Variants in MTA1 observed in about 807,000 individuals in gnomAD.
The protein encoded by MTA1 is metastasis-associated protein MTA1.
Under a neutral mutation model 97.0 loss-of-function variants are expected in MTA1, and 15 were observed. That is an observed-to-expected ratio of 0.15 (90% confidence interval 0.10 to 0.24). The LOEUF is 0.24. Ranked by LOEUF, MTA1 falls within the 10% of genes least tolerant of loss-of-function variation. MTA1 has a pLI of 1.00. For missense variants in MTA1, 709 were observed against 1,015.1 expected, an observed-to-expected ratio of 0.70 and a Z score of 4.10; for synonymous variants, 435 against 417.5, an observed-to-expected ratio of 1.04 and a Z score of -0.51.
intron 10 of MTA1, among the ~76,000 whole-genome samples, chr14:105,462,052 A>G (rs2083368772): frequency 2.2e-4 from 1 of 4,486 alleles, no homozygotes; most frequent in Admixed American, 2.9e-3. Context: ...TGCTGAGCCC[A>G]CGTGATGCCT....
At position 105,448,828 on chromosome 14, in the gene MTA1, C is replaced by T. The variant is rs777568500; in HGVS notation, c.191-531C>T. ...AGGGGGCCGCAGAGAGCGAGCAGCC[C>T]GGCTGGCTGTGGTCCCATCTGGGGA... On this transcript the variant is annotated intron_variant, in intron 3 of 20. Coordinates refer to ENST00000331320, the MANE Select transcript of MTA1 (RefSeq NM_004689.4). 3.3e-5 allele frequency among the ~76,000 whole-genome samples: 5 copies of T among 152,380 alleles called. No individual in the cohort carries two copies. The South Asian group carries it at 8.3e-4, about 25-fold the overall frequency.
chr14:105,430,294 T>C (rs2082140518), intron 1 of MTA1, among the ~76,000 whole-genome samples: 1 of 152,152 alleles, frequency 6.6e-6, no homozygotes, highest in African/African-American at 2.4e-5. Context: ...ATTTCAGTAT[T>C]GTTGTGTCTC....
chr14:105,468,293 C>T (rs1555433402), intron 18 of MTA1: 6 of 1,303,820 alleles, frequency 4.6e-6, no homozygotes, highest in Middle Eastern at 2.1e-4. Flanking sequence ...GGCTCACTAA[C>T]CTAAAGCATG....
In MTA1 at chr14:105,452,473, A is replaced by C. The variant is rs370123325; in HGVS notation, c.433-1720A>C. On this transcript the variant is annotated intron_variant, in intron 6 of 20. Coordinates refer to ENST00000331320, the MANE Select transcript of MTA1 (RefSeq NM_004689.4). ...GCCGGGGGAATCACTTGAGCTCAGG[A>C]GTTCAAGAGCAGCCTGGGCATCATA... Among the ~76,000 whole-genome samples the C allele has an allele frequency of 6.0e-4, 91 of 152,356 alleles. 2 individuals carry two copies. In the East Asian group the frequency reaches 7.3e-3, roughly 12 times the overall value.
chr14:105,460,675 G>A, intron 9 of MTA1, 90 bp from the exon 10 acceptor site: 1 of 1,378,606 alleles, frequency 7.3e-7, no homozygotes, highest in Non-Finnish European at 9.6e-7. Context: ...TGCAGTAGGG[G>A]ATCCTTGAGG....
intron 1 of MTA1, among the ~76,000 whole-genome samples, chr14:105,423,189 C>A (rs1555421388): frequency 1.3e-5 from 2 of 151,626 alleles, no homozygotes; most frequent in African/African-American, 2.4e-5. Context: ...AGGTTAACAC[C>A]CCATCTTTTG....
chr14:105,466,854 C>G, intron 18 of MTA1, 112 bp downstream of exon 18: 2 of 1,107,176 alleles, frequency 1.8e-6, no homozygotes, highest in South Asian at 1.5e-5. Flanking sequence ...TGGGGCAGTC[C>G]ACGTGAGCCA....
At position 105,424,025 on chromosome 14, in the gene MTA1, G is replaced by A. The variant is rs1370528975; in HGVS notation, c.28+3962G>A. 2.5e-4 allele frequency among the ~76,000 whole-genome samples: 38 copies of A among 152,240 alleles called. No homozygotes were observed. ...GTGAGCACCAGGAGCGGGAGTGGTA[G>A]AAGTGGCAGGGGCCCAGGTGTGATG... On this transcript the variant is annotated intron_variant, in intron 1 of 20. Transcript: ENST00000331320. The surrounding 1 kb of genome is among the most constrained non-coding windows in gnomAD (Gnocchi z 4.0).
chr14:105,468,454 C>A, intron 18 of MTA1: 2 of 1,092,196 alleles, frequency 1.8e-6, no homozygotes, highest in Non-Finnish European at 2.5e-6. Flanking sequence ...GCAGATCAGG[C>A]ACCTGGGCCC....
intron 4 of MTA1, 72 bp from the exon 5 acceptor site, chr14:105,449,986 G>T: frequency 6.2e-7 from 1 of 1,601,436 alleles, no homozygotes. Context: ...CGCCAGGTGG[G>T]GCTGGTGGGG....
chr14:105,421,233 C>G (rs913588971), intron 1 of MTA1, among the ~76,000 whole-genome samples: 2 of 152,188 alleles, frequency 1.3e-5, no homozygotes, highest in Admixed American at 6.5e-5. Context: ...GCAGCCCCTC[C>G]CACAGCCTCA....
At chr14:105,439,939 C>T (rs1196134654) in intron 2 of MTA1, among the ~76,000 whole-genome samples, 7 of 152,264 alleles carry the variant, frequency 4.6e-5, no homozygotes, top group South Asian at 2.1e-4. Flanking sequence ...GGAAGGTTAG[C>T]GCGCCACCTC....
chr14:105,467,334 C>G, intron 18 of MTA1: 1 of 444,066 alleles, frequency 2.3e-6, no homozygotes, highest in South Asian at 1.6e-5. Context: ...CTGGGCCTGC[C>G]AGTGTGGATG....
intron 1 of MTA1, among the ~76,000 whole-genome samples, chr14:105,434,747 C>T (rs930285831): frequency 6.6e-5 from 10 of 151,982 alleles, no homozygotes; most frequent in South Asian, 4.1e-4. Flanking sequence ...GTGATCCGCC[C>T]GCCTCAGCCT....
At position 105,469,906 on chromosome 14, in the gene MTA1, G is replaced by A; in HGVS notation, c.1911G>A (p.Gly637=). ...SYPTKVRLIR[G]GSLPPVKRRR... is the part of the protein sequence containing the mutation. The stretch of plus-strand genomic sequence containing the variant: ...CCACCAAAGTGCGCCTGATCCGGGG[G>A]GGCTCCCTGCCCCCAGTCAAGCGGC... Residue 637 remains glycine, a synonymous_variant, in exon 20 of 21, where the codon GGG becomes GGA. Transcript: ENST00000331320. 6.2e-7 allele frequency: 1 copy of A among 1,611,802 alleles called. No individual in the cohort carries two copies. The highest frequency in any genetic ancestry group is 8.5e-7 in the Non-Finnish European group (1 of 1,179,544).
Position 105,470,421 on chromosome 14 carries a change from A to G in MTA1, c.*206A>G. The stretch of plus-strand genomic sequence containing the variant: ...AGAATGCCGAGGAGTTGTCGTTTTT[A>G]GCTTTGTGTTTACTTTTTGGCTGGA... On this transcript the variant is annotated 3_prime_UTR_variant, in exon 21 of 21. Transcript: ENST00000331320. 2.0e-6 allele frequency: 1 copy of G among 501,076 alleles called. No individual in the cohort carries two copies. The highest frequency in any genetic ancestry group is 3.4e-6 in the Non-Finnish European group (1 of 297,024). 31.0% of individuals were successfully genotyped at this position (501,076 alleles called of 1,614,324 possible). A position where few individuals can be genotyped will look rare whatever the true frequency, so the allele number is the denominator to read the frequency against.
intron 2 of MTA1, among the ~76,000 whole-genome samples, chr14:105,442,431 G>A (rs898138906): frequency 4.6e-5 from 7 of 152,242 alleles, no homozygotes; most frequent in Admixed American, 3.9e-4. Context: ...CTCTGGGAGG[G>A]GCCTCGCAGG....
chr14:105,441,140 T>A (rs1555425565), intron 2 of MTA1, among the ~76,000 whole-genome samples: 1 of 152,068 alleles, frequency 6.6e-6, no homozygotes, highest in African/African-American at 2.4e-5. Flanking sequence ...ACAGAGCCCT[T>A]CCCTGGGCTG....
At chr14:105,444,113 C>A (rs1195400376) in intron 2 of MTA1, among the ~76,000 whole-genome samples, 2 of 150,328 alleles carry the variant, frequency 1.3e-5, no homozygotes, top group Admixed American at 1.3e-4. Flanking sequence ...GTGGCTCACG[C>A]CTGTAACCCC....
Sources: allele counts gnomAD v4.1 joint callset (sites outside exome capture counted in the v4.1 genomes callset), GRCh38; gene constraint gnomAD v4.1.1; non-coding constraint Gnocchi (gnomAD v3.1); transcripts MANE v1.5; gene names NCBI Gene and HGNC (gene_info 2026-07-23, HGNC 2026-07-21).